Variants in GPR173 observed in about 807,000 individuals in gnomAD.
The protein encoded by GPR173 is G protein-coupled receptor 173.
In GPR173, 2 loss-of-function variants were observed where a neutral mutation model predicts 13.9. The ratio of observed to expected loss-of-function variants is 0.14; its 90% CI spans 0.06 to 0.45. The LOEUF (loss-of-function observed/expected upper bound fraction) is 0.45, where lower values mean the gene tolerates loss of function less well. Among genes scored for constraint, GPR173 ranks in the 20% least tolerant of loss-of-function variants. GPR173 has a pLI of 0.98. For synonymous variants in GPR173, 131 were observed against 141.0 expected (o/e 0.93, Z 0.50); for missense variants, 202 against 340.5 (o/e 0.59, Z 3.20).
intron 1 of GPR173, among the ~76,000 whole-genome samples, chrX:53,059,803 A>C (rs1556803570): frequency 9.5e-6 from 1 of 105,809 alleles, no homozygotes; most frequent in African/African-American, 3.5e-5. Context: ...AAAAAAAAAA[A>C]AAAACCCAGA....
chrX:53,072,582 T>C (rs1556804894), intron 1 of GPR173, among the ~76,000 whole-genome samples: 1 of 109,819 alleles, frequency 9.1e-6, no homozygotes, highest in South Asian at 3.9e-4. Context: ...TCTTTCTCCC[T>C]CCTGTGTCTC....
Position 53,076,084 on chromosome X carries a change from A to G in GPR173, c.-97-441A>G, listed in dbSNP as rs781830001. Among the ~76,000 whole-genome samples, 13 of 111,513 alleles carry G rather than the reference A, an allele frequency of 1.2e-4. No individual in the cohort carries two copies. In the South Asian group the frequency reaches 3.8e-3, roughly 32 times the overall value. ...GTGGAGGAAACAGGTAACCAAAGAC[A>G]TCCAAAGAAATGCAGCATCCTCACC... On this transcript the variant is annotated intron_variant, in intron 1 of 1. Coordinates refer to ENST00000332582, the MANE Select transcript of GPR173 (RefSeq NM_018969.6).
chrX:53,052,483 A>G (rs184718177), intron 1 of GPR173, among the ~76,000 whole-genome samples: 29 of 110,266 alleles, frequency 2.6e-4, no homozygotes, highest in Admixed American at 2.9e-4. Flanking sequence ...TTGTGAGTGT[A>G]TATGTGGGTG....
chrX:53,075,395 C>A (rs1378184262), intron 1 of GPR173, among the ~76,000 whole-genome samples: 1 of 103,709 alleles, frequency 9.6e-6, no homozygotes, highest in Non-Finnish European at 2.0e-5. Context: ...TTCTTAGGAA[C>A]TTGTCATCAT....
Position 53,054,856 on chromosome X carries a change from C to T in GPR173, c.-98+5372C>T, listed in dbSNP as rs145232604. ...TGAGGGAGTATGGGTATATTGGGGT[C>T]AGGGAGATCCAAGTGTGGTTATATG... On this transcript the variant is annotated intron_variant, in intron 1 of 1. Transcript: ENST00000332582. Among the ~76,000 whole-genome samples the T allele has an allele frequency of 6.2e-3, 676 of 108,892 alleles. 5 individuals are homozygous for T. Among genetic ancestry groups the T allele is most frequent in the African/African-American group, 0.022 (652 of 29,760 alleles). The allele number at this position is 108,892 out of a possible 115,157, so 94.6% of individuals were successfully genotyped here. A position where few individuals can be genotyped will look rare whatever the true frequency, so the allele number is the denominator to read the frequency against.
At chrX:53,050,981 A>C in intron 1 of GPR173, among the ~76,000 whole-genome samples, 1 of 112,545 alleles carries the variant, frequency 8.9e-6, no homozygotes, top group Middle Eastern at 4.6e-3. Flanking sequence ...TGCAGCCTGC[A>C]GCCTTTCTGG....
chrX:53,051,985 A>G (rs1169316170), intron 1 of GPR173, among the ~76,000 whole-genome samples: 7 of 111,042 alleles, frequency 6.3e-5, no homozygotes, highest in African/African-American at 2.3e-4. Flanking sequence ...CAGGCTTTTG[A>G]CTTTCTGTGA....
At chrX:53,069,280 A>G (rs926358910) in intron 1 of GPR173, among the ~76,000 whole-genome samples, 1 of 109,958 alleles carries the variant, frequency 9.1e-6, no homozygotes, top group Non-Finnish European at 1.9e-5. Flanking sequence ...CTTAAAAAAA[A>G]AAAAAAACAG....
intron 1 of GPR173, among the ~76,000 whole-genome samples, chrX:53,058,437 G>A (rs1475505004): frequency 6.4e-5 from 7 of 108,907 alleles, no homozygotes; most frequent in African/African-American, 1.0e-4. Context: ...GTGTGTGTGT[G>A]TGTGTGTGTG....
intron 1 of GPR173, among the ~76,000 whole-genome samples, chrX:53,068,290 T>TA (rs1250643882): frequency 9.0e-6 from 1 of 111,167 alleles, no homozygotes; most frequent in East Asian, 2.8e-4. Context: ...AACTTTTTTA[T>TA]AAAAAAGTAA....
chrX:53,049,940 G>T (rs1295246225), intron 1 of GPR173, among the ~76,000 whole-genome samples: 1 of 98,497 alleles, frequency 1.0e-5, no homozygotes, highest in Admixed American at 1.0e-4. Context: ...GGCCGGGTGT[G>T]TGTGTGTGTG....
intron 1 of GPR173, among the ~76,000 whole-genome samples, chrX:53,053,254 C>A (rs1931987579): frequency 8.9e-6 from 1 of 112,585 alleles, no homozygotes; most frequent in African/African-American, 3.2e-5. Context: ...CAAGCATGTG[C>A]ATATCTAGGT....
intron 1 of GPR173, among the ~76,000 whole-genome samples, chrX:53,051,545 TGTGA>T (rs782737739): frequency 4.5e-5 from 5 of 110,150 alleles, no homozygotes; most frequent in Non-Finnish European, 7.6e-5. Flanking sequence ...ATGGCATGTG[TGTGA>T]GTGTGTGGGT....
chrX:53,054,030 A>G (rs1470842365), intron 1 of GPR173, among the ~76,000 whole-genome samples: 2 of 112,254 alleles, frequency 1.8e-5, no homozygotes, highest in African/African-American at 6.5e-5. Context: ...GCATTGTATG[A>G]TATCTAGGGT....
intron 1 of GPR173, among the ~76,000 whole-genome samples, chrX:53,051,416 C>T (rs1355231748): frequency 3.6e-5 from 4 of 110,654 alleles, no homozygotes; most frequent in East Asian, 2.8e-4. Flanking sequence ...CCTCTGGGCC[C>T]GAGCGTGGTT....
intron 1 of GPR173, among the ~76,000 whole-genome samples, chrX:53,058,904 CT>C (rs201549482): frequency 7.5e-4 from 76 of 101,218 alleles, no homozygotes; most frequent in Admixed American, 2.9e-3. Flanking sequence ...ACCTGTATTC[CT>C]TTTTTTTTTT....
At chrX:53,062,017 A>AGAAGAGAAGAGAAGAGAAGAGAAGT (rs1932133434) in intron 1 of GPR173, among the ~76,000 whole-genome samples, 2 of 110,615 alleles carry the variant, frequency 1.8e-5, no homozygotes, top group African/African-American at 6.6e-5. Flanking sequence ...AGAAGAGAAG[A>AGAAGAGAAGAGAAGAGAAGAGAAGT]GAAGAAAAGG....
At chrX:53,067,839 AAG>A (rs1454768237) in intron 1 of GPR173, among the ~76,000 whole-genome samples, 2 of 110,422 alleles carry the variant, frequency 1.8e-5, no homozygotes, top group African/African-American at 6.6e-5. Context: ...AAAAAAAAAA[AAG>A]AAAGCAGCAC....
In GPR173 at chrX:53,076,664, C is replaced by T; in HGVS notation, c.43C>T (p.Leu15=). ...AGAGCCTGAGGAGGTGAGCGGCGCT[C>T]TGTCCCCACCGTCCGCATCAGCTTA... ...TGEPEEVSGA[L]SPPSASAYVK... The change falls in exon 2 of 2, where the codon CTG becomes TTG. Residue 15 remains leucine (L), a synonymous_variant. Coordinates refer to ENST00000332582, the MANE Select transcript of GPR173 (RefSeq NM_018969.6). 1 of 1,202,577 alleles carries T rather than the reference C, an allele frequency of 8.3e-7. No individual in the cohort carries two copies. Among genetic ancestry groups the T allele is most frequent in the South Asian group, 1.8e-5 (1 of 55,941 alleles).
Sources: gnomAD v4.1 joint callset for allele counts (sites outside exome capture counted in the v4.1 genomes callset) on GRCh38, gnomAD v4.1.1 for gene constraint, MANE v1.5 for transcripts, NCBI Gene and HGNC (gene_info 2026-07-23, HGNC 2026-07-21) for gene names.